The following DOCK1 variants were observed in gnomAD, a reference collection of about 807,000 sequenced individuals.
DOCK1 encodes the protein dedicator of cytokinesis protein 1.
DOCK1 carries 138 observed loss-of-function variants against 262.7 expected under a neutral mutation model. The ratio of observed to expected loss-of-function variants is 0.53; its 90% CI spans 0.46 to 0.61. The LOEUF (loss-of-function observed/expected upper bound fraction) is 0.61. DOCK1 is among the 20% of genes least tolerant of loss of function. The pLI is 0.00. For missense variants in DOCK1, 1,908 were observed against 2,370.7 expected (o/e 0.80, Z 4.05); for synonymous variants, 866 against 867.4 (o/e 1.00, Z 0.03).
chr10:127,233,245 G>A (rs1278078791), intron 27 of DOCK1, among the ~76,000 whole-genome samples: 2 of 152,148 alleles, frequency 1.3e-5, no homozygotes, highest in Admixed American at 6.6e-5. Flanking sequence ...TGGTAATTAG[G>A]AAGTGCAAGC....
At chr10:127,036,454 G>GT (rs528108924) in intron 18 of DOCK1, among the ~76,000 whole-genome samples, 20 of 146,996 alleles carry the variant, frequency 1.4e-4, no homozygotes, top group East Asian at 2.0e-4. Context: ...ATTAGAGTTT[G>GT]TTTTTTTTTT....
At position 126,996,769 on chromosome 10, in the gene DOCK1, G is replaced by T; in HGVS notation, c.495G>T (p.Val165=). 5.0e-6 allele frequency: 8 copies of T among 1,611,890 alleles called. No individual in the cohort carries two copies. Among genetic ancestry groups the T allele is most frequent in the Non-Finnish European group, 6.8e-6 (8 of 1,179,184 alleles). ...YGNRILDLDL[V]VRDEDGNILD... ...CTAGAATTCTAGATTTGGACCTGGT[G>T]GTTAGAGATGAAGATGGGAATATTT... The change falls in exon 7 of 52, where the codon GTG becomes GTT. Residue 165 remains valine, a synonymous_variant. Transcript: ENST00000623213.
chr10:127,343,824 C>G, intron 31 of DOCK1, 78 bp downstream of exon 31: 1 of 1,180,892 alleles, frequency 8.5e-7, no homozygotes, highest in Non-Finnish European at 1.2e-6. Context: ...CATTTCTAAG[C>G]CAACTTGATA....
intron 23 of DOCK1, among the ~76,000 whole-genome samples, chr10:127,070,237 C>CTTGAAT (rs966743401): frequency 1.4e-5 from 2 of 140,924 alleles, no homozygotes; most frequent in Non-Finnish European, 3.1e-5. Flanking sequence ...AGGGTTGGAA[C>CTTGAAT]TTGAATTTAG....
intron 27 of DOCK1, among the ~76,000 whole-genome samples, chr10:127,246,561 C>A (rs2059437202): frequency 6.6e-6 from 1 of 152,158 alleles, no homozygotes; most frequent in African/African-American, 2.4e-5. Context: ...TTAGCTGTTT[C>A]CCTGAACACC....
chr10:127,349,635 G>A (rs926967589), intron 31 of DOCK1, among the ~76,000 whole-genome samples: 4 of 152,110 alleles, frequency 2.6e-5, no homozygotes, highest in Non-Finnish European at 4.4e-5. Flanking sequence ...AACACAAACC[G>A]GGTGGCTTGA....
At chr10:127,144,449 C>T (rs2051592861) in intron 27 of DOCK1, among the ~76,000 whole-genome samples, 2 of 152,172 alleles carry the variant, frequency 1.3e-5, no homozygotes, top group Admixed American at 1.3e-4. Flanking sequence ...ATGTTTAATT[C>T]ATCTTTTGTC....
chr10:127,309,001 G>A (rs908473334), intron 29 of DOCK1, among the ~76,000 whole-genome samples: 4 of 152,136 alleles, frequency 2.6e-5, no homozygotes, highest in African/African-American at 9.7e-5. Context: ...AGATCCTTGA[G>A]GAATCACCAC....
chr10:127,398,276 G>A (rs1433934426), intron 38 of DOCK1, among the ~76,000 whole-genome samples: 6 of 152,288 alleles, frequency 3.9e-5, no homozygotes, highest in Middle Eastern at 3.4e-3. Flanking sequence ...AGGAAAAAGC[G>A]AGGGGCCTGG....
intron 27 of DOCK1, among the ~76,000 whole-genome samples, chr10:127,241,055 G>T (rs1180395074): frequency 6.6e-6 from 1 of 152,160 alleles, no homozygotes; most frequent in African/African-American, 2.4e-5. Context: ...TGGGCGCGGT[G>T]GCTCACGCCT....
At chr10:127,374,334 T>G (rs2065367534) in intron 35 of DOCK1, 120 bp downstream of exon 35, 2 of 1,284,206 alleles carry the variant, frequency 1.6e-6, no homozygotes, top group African/African-American at 3.0e-5. Flanking sequence ...CAGAACAATC[T>G]CCTTCGCTTG....
intron 27 of DOCK1, among the ~76,000 whole-genome samples, chr10:127,177,355 G>T (rs773614543): frequency 4.2e-4 from 64 of 152,346 alleles, no homozygotes; most frequent in Middle Eastern, 3.4e-3. Flanking sequence ...TCCTCTCGGG[G>T]AATACCAGTG....
Position 127,175,380 on chromosome 10 carries a change from G to T in DOCK1, c.2847+47616G>T. On this transcript the variant is annotated intron_variant, in intron 27 of 51. Transcript: ENST00000623213. This position sits in a 1 kb window ranked among gnomAD's most constrained non-coding sequence, Gnocchi z 6.3. ...TTGGCATTCTTCACCTGCAGCAACC[G>T]CTGTGGGACTAGGCTGGTTCCCCAG... 3 of 1,613,902 alleles carry T rather than the reference G, an allele frequency of 1.9e-6. No individual in the cohort carries two copies. The highest frequency in any genetic ancestry group is 2.5e-6 in the Non-Finnish European group (3 of 1,180,036).
chr10:127,106,280 T>G lies in DOCK1; in HGVS notation c.2495T>G (p.Val832Gly). 1 of 1,597,690 alleles carries G rather than the reference T, an allele frequency of 6.3e-7. No homozygotes were observed. The highest frequency in any genetic ancestry group is 8.5e-7 in the Non-Finnish European group (1 of 1,171,100). ...LPTIVNDVKL[V>G]FDPKELSKMF... is the part of the protein sequence containing the mutation. ...ACGATCGTCAACGATGTGAAATTGG[T>G]GTTTGATCCCAAAGAGCTCAGGTAA... Residue 832 changes from valine (V) to glycine (G), a missense_variant, in exon 24 of 52, where the codon GTG becomes GGG. Physicochemically the swap from Val to Gly is moderately radical, Grantham distance 109. Coordinates refer to ENST00000623213, the MANE Select transcript of DOCK1 (RefSeq NM_001290223.2).
chr10:127,320,135 AGCCGTCTAAGAGCAGAAGCTTC>A (rs1484209865), intron 29 of DOCK1, among the ~76,000 whole-genome samples: 1 of 102,830 alleles, frequency 9.7e-6, no homozygotes, highest in Non-Finnish European at 2.0e-5. Context: ...CAGTCCCAGT[AGCCGTCTAAGAGCAGAAGCTTC>A]TGGGGCCTGG....
chr10:127,294,306 GT>G (rs1230889529), intron 29 of DOCK1, among the ~76,000 whole-genome samples: 4 of 151,184 alleles, frequency 2.6e-5, no homozygotes, highest in Non-Finnish European at 5.9e-5. Flanking sequence ...GTCGTTTTTT[GT>G]TTTGTTTTGT....
At chr10:127,247,490 A>C (rs1223280987) in intron 27 of DOCK1, among the ~76,000 whole-genome samples, 1 of 152,164 alleles carries the variant, frequency 6.6e-6, no homozygotes, top group Non-Finnish European at 1.5e-5. Flanking sequence ...GGCTGCACAC[A>C]CATTTTGCCG....
chr10:126,952,439 GTAT>G (rs1427410953), intron 1 of DOCK1, among the ~76,000 whole-genome samples: 2,951 of 151,938 alleles, frequency 0.019, 90 homozygotes, highest in African/African-American at 0.067. Context: ...ATTCTTGGTA[GTAT>G]TGTTGGTGAT....
chr10:127,103,753 T>G (rs1018897864), intron 23 of DOCK1, among the ~76,000 whole-genome samples: 1 of 152,186 alleles, frequency 6.6e-6, no homozygotes, highest in African/African-American at 2.4e-5. Context: ...CTTGTTAACC[T>G]TATGAGGATG....
Sources: gnomAD v4.1 joint callset for allele counts (sites outside exome capture counted in the v4.1 genomes callset) on GRCh38, gnomAD v4.1.1 for gene constraint, Gnocchi (gnomAD v3.1) non-coding constraint, MANE v1.5 for transcripts, NCBI Gene and HGNC (gene_info 2026-07-23, HGNC 2026-07-21) for gene names.